BAIAP2: variants seen among roughly 807,000 people sequenced by gnomAD.
BAIAP2 encodes BAR/IMD domain-containing adapter protein 2.
Under a neutral mutation model 63.0 loss-of-function variants are expected in BAIAP2, and 18 were observed. The observed-to-expected ratio is 0.29, with a 90% CI of 0.20 to 0.42. The LOEUF (loss-of-function observed/expected upper bound fraction) is 0.42. BAIAP2 is among the 10% of genes least tolerant of loss of function. The probability of loss-of-function intolerance (pLI) is 1.00; values close to 1 mark genes in which losing one functional copy is unlikely to be tolerated. For synonymous variants in BAIAP2, 386 were observed against 307.6 expected, an observed-to-expected ratio of 1.25 and a Z score of -2.67; for missense variants, 610 against 734.3, an observed-to-expected ratio of 0.83 and a Z score of 1.96.
In BAIAP2 at chr17:81,036,889, C is replaced by A. The variant is rs560242138; in HGVS notation, c.54+1581C>A. On this transcript the variant is annotated intron_variant, in intron 1 of 13. Transcript: ENST00000428708. ...GGGTGGAAGAGAAGTACCAGCGGAA[C>A]CTTTTTCCTATTTTTTCTCCTTCTG... The A allele has an allele frequency of 5.4e-5, 83 of 1,535,942 alleles. 2 individuals are homozygous for A. In the South Asian group the frequency reaches 8.8e-4, roughly 16 times the overall value.
chr17:81,057,498 T>A (rs2049786528), intron 2 of BAIAP2: 2 of 258,540 alleles, frequency 7.7e-6, no homozygotes, highest in African/African-American at 4.6e-5. Context: ...GGCTTCCTAC[T>A]GCCCAGCTCT....
intron 5 of BAIAP2, 27 bp downstream of exon 5, chr17:81,085,752 G>T: frequency 6.3e-7 from 1 of 1,593,194 alleles, no homozygotes; most frequent in Non-Finnish European, 8.6e-7. Context: ...CGTGCCTGCT[G>T]GGCCCTGTGC....
chr17:81,111,082 C>T, intron 13 of BAIAP2: 1 of 1,165,446 alleles, frequency 8.6e-7, no homozygotes, highest in Non-Finnish European at 1.2e-6. Context: ...CAGGGGTCCA[C>T]TGAGCCTGCC....
At chr17:81,054,513 T>A (rs1598546703) in intron 2 of BAIAP2, among the ~76,000 whole-genome samples, 1 of 152,178 alleles carries the variant, frequency 6.6e-6, no homozygotes, top group Non-Finnish European at 1.5e-5. Flanking sequence ...AGCACGCCCC[T>A]GCCTGTGCGG....
intron 11 of BAIAP2, among the ~76,000 whole-genome samples, 162 bp downstream of exon 11, chr17:81,106,308 T>C (rs2059175444): frequency 6.6e-6 from 1 of 152,134 alleles, no homozygotes; most frequent in African/African-American, 2.4e-5. Context: ...CTTGAGGCCT[T>C]CAGGGTGGAG....
chr17:81,067,701 C>T (rs994428907), intron 3 of BAIAP2, among the ~76,000 whole-genome samples: 27 of 152,342 alleles, frequency 1.8e-4, no homozygotes, highest in African/African-American at 6.3e-4. Context: ...CCTCTGCCGG[C>T]GTTGCTGCTG....
chr17:81,085,915 G>A (rs1011165889), intron 5 of BAIAP2, among the ~76,000 whole-genome samples, 190 bp downstream of exon 5: 1 of 152,364 alleles, frequency 6.6e-6, no homozygotes, highest in Admixed American at 6.5e-5. Flanking sequence ...CAACCTGTGG[G>A]TGAATCCGTT....
rs558517255 is a variant in BAIAP2, at chr17:81,100,200, C to G, written c.642+120C>G. 1.7e-5 allele frequency: 23 copies of G among 1,323,284 alleles called. No individual in the cohort carries two copies. In the East Asian group the frequency reaches 3.6e-4, roughly 21 times the overall value. 82.0% of individuals were successfully genotyped at this position (1,323,284 alleles called of 1,614,324 possible). On this transcript the variant is annotated intron_variant, in intron 7 of 13. Transcript: ENST00000428708. ...GGGGCAGTGTCCAGGCTCGAACTCT[C>G]GTTTATTTCGGGTTTTCTTGGGGGT...
chr17:81,068,360 G>A (rs1416004349), intron 3 of BAIAP2, among the ~76,000 whole-genome samples: 2 of 152,240 alleles, frequency 1.3e-5, no homozygotes, highest in African/African-American at 4.8e-5. Context: ...GGGCACGCGT[G>A]AGGAACTGGA....
chr17:81,042,544 C>A (rs1307970050), intron 1 of BAIAP2, among the ~76,000 whole-genome samples: 1 of 151,972 alleles, frequency 6.6e-6, no homozygotes, highest in Admixed American at 6.6e-5. Flanking sequence ...ACTGAGCTGT[C>A]CAGGCGTGCC....
At chr17:81,094,609 G>A (rs1004372341) in intron 6 of BAIAP2, among the ~76,000 whole-genome samples, 4 of 152,284 alleles carry the variant, frequency 2.6e-5, no homozygotes, top group East Asian at 1.9e-4. Flanking sequence ...TGTGTTCAGC[G>A]TGAGATTTAA....
intron 12 of BAIAP2, chr17:81,107,730 A>T (rs2059355448): frequency 6.6e-6 from 1 of 152,262 alleles, no homozygotes; most frequent in South Asian, 2.1e-4. Context: ...TTTTTCCGAG[A>T]TAACAGGTAG....
intron 3 of BAIAP2, among the ~76,000 whole-genome samples, chr17:81,073,934 G>A (rs1378505683): frequency 1.3e-5 from 2 of 152,190 alleles, no homozygotes; most frequent in African/African-American, 4.8e-5. Context: ...TTTGTCTCAA[G>A]TGCTTATGGA....
chr17:81,066,015 A>G (rs1251163695), intron 3 of BAIAP2, among the ~76,000 whole-genome samples: 1 of 152,166 alleles, frequency 6.6e-6, no homozygotes, highest in Non-Finnish European at 1.5e-5. Context: ...TCAGACCCGC[A>G]TGTCCAGCCT....
At chr17:81,092,400 C>G (rs955317029) in intron 6 of BAIAP2, among the ~76,000 whole-genome samples, 15 of 152,328 alleles carry the variant, frequency 9.8e-5, no homozygotes, top group African/African-American at 3.4e-4. Flanking sequence ...CACACCAGGC[C>G]CTGGGGGCAG....
intron 3 of BAIAP2, among the ~76,000 whole-genome samples, chr17:81,075,846 C>T (rs2053576753): frequency 6.6e-6 from 1 of 152,194 alleles, no homozygotes; most frequent in Non-Finnish European, 1.5e-5. Flanking sequence ...CAGCCACAGG[C>T]TCCATATGAG....
chr17:81,071,293 G>T (rs1213038319), intron 3 of BAIAP2, among the ~76,000 whole-genome samples: 1 of 152,140 alleles, frequency 6.6e-6, no homozygotes, highest in Non-Finnish European at 1.5e-5. Flanking sequence ...TGGTCCCCTG[G>T]CCCCTGTGGG....
At chr17:81,055,574 G>GTTTTTTTTTGTTTTTTT (rs2049384045) in intron 2 of BAIAP2, among the ~76,000 whole-genome samples, 1 of 123,406 alleles carries the variant, frequency 8.1e-6, no homozygotes, top group Non-Finnish European at 1.7e-5. Context: ...AGGGTGTTTT[G>GTTTTTTTTTGTTTTTTT]TTTTTTTTTG....
chr17:81,069,211 G>T (rs1009757452), intron 3 of BAIAP2, among the ~76,000 whole-genome samples: 4 of 152,194 alleles, frequency 2.6e-5, no homozygotes, highest in African/African-American at 9.7e-5. Context: ...TACATTGGAA[G>T]CATTTTTGTA....
Sources: allele counts gnomAD v4.1 joint callset (sites outside exome capture counted in the v4.1 genomes callset), GRCh38; gene constraint gnomAD v4.1.1; transcripts MANE v1.5; gene names NCBI Gene and HGNC (gene_info 2026-07-23, HGNC 2026-07-21).